SLC4A4: variants seen among roughly 807,000 people sequenced by gnomAD.
The protein encoded by SLC4A4 is electrogenic sodium bicarbonate cotransporter 1.
A neutral mutation model predicts 111.5 loss-of-function variants in SLC4A4; 27 were observed. The ratio of observed to expected loss-of-function variants is 0.24; its 90% CI spans 0.18 to 0.33. SLC4A4 has a LOEUF of 0.33. Among genes scored for constraint, SLC4A4 ranks in the 10% least tolerant of loss-of-function variants. The pLI, the probability that SLC4A4 is intolerant of heterozygous loss-of-function variation, is 1.00. For synonymous variants in SLC4A4, 443 were observed against 463.4 expected (o/e 0.96, Z 0.57); for missense variants, 909 against 1,315.5 (o/e 0.69, Z 4.78).
intron 16 of SLC4A4, among the ~76,000 whole-genome samples, chr4:71,531,797 ACACAC>A (rs1733944796): frequency 1.3e-5 from 2 of 148,308 alleles, no homozygotes; most frequent in African/African-American, 5.0e-5. Context: ...ACACACACAC[ACACAC>A]ACAGAAAGAG....
At chr4:71,555,087 T>C in intron 20 of SLC4A4, 53 bp from the exon 21 acceptor site, 1 of 1,231,400 alleles carries the variant, frequency 8.1e-7, no homozygotes, top group Non-Finnish European at 1.2e-6. Flanking sequence ...TCCTCTTCAT[T>C]CCTCTTTTTT....
chr4:71,198,498 T>G (rs988838385), intron 1 of SLC4A4, among the ~76,000 whole-genome samples: 6 of 152,222 alleles, frequency 3.9e-5, no homozygotes, highest in Non-Finnish European at 5.9e-5. Context: ...AGAAACACGC[T>G]GCATATCATG....
chr4:71,140,289 T>C (rs1307332251), intron 2 of SLC4A4, among the ~76,000 whole-genome samples: 6 of 152,048 alleles, frequency 3.9e-5, no homozygotes, highest in Non-Finnish European at 5.9e-5. Context: ...GGCATGGTGA[T>C]GCGCACCTGA....
At chr4:71,398,284 C>CAAAAAA (rs34473877) in intron 7 of SLC4A4, among the ~76,000 whole-genome samples, 1 of 78,430 alleles carries the variant, frequency 1.3e-5, no homozygotes. Flanking sequence ...GACTTTGTCT[C>CAAAAAA]AAAAAAAAAA....
chr4:71,469,082 A>G (rs1250980682), intron 13 of SLC4A4, among the ~76,000 whole-genome samples: 1 of 152,004 alleles, frequency 6.6e-6, no homozygotes, highest in Non-Finnish European at 1.5e-5. Flanking sequence ...AATAGCTCAC[A>G]ACTTTTCAAA....
At chr4:71,362,980 A>G (rs971212498) in intron 6 of SLC4A4, among the ~76,000 whole-genome samples, 1 of 152,088 alleles carries the variant, frequency 6.6e-6, no homozygotes, top group Non-Finnish European at 1.5e-5. Flanking sequence ...TTTTTAATTC[A>G]AATATGAGAA....
At chr4:71,107,531 G>T (rs1026451996) in intron 2 of SLC4A4, among the ~76,000 whole-genome samples, 3 of 151,926 alleles carry the variant, frequency 2.0e-5, no homozygotes, top group Non-Finnish European at 4.4e-5. Context: ...GCATTTTTTA[G>T]TAGAGACGGG....
chr4:71,442,137 C>G (rs1166583054), intron 8 of SLC4A4, among the ~76,000 whole-genome samples: 1 of 152,126 alleles, frequency 6.6e-6, no homozygotes, highest in African/African-American at 2.4e-5. Context: ...ATTTTTATTA[C>G]CATTTTTCTT....
intron 3 of SLC4A4, among the ~76,000 whole-genome samples, chr4:71,264,885 A>G (rs1722123838): frequency 6.6e-6 from 1 of 152,192 alleles, no homozygotes; most frequent in South Asian, 2.1e-4. Flanking sequence ...TGGTTAAGAA[A>G]GACTGAAGAT....
intron 7 of SLC4A4, among the ~76,000 whole-genome samples, chr4:71,402,052 G>C (rs1720412301): frequency 1.3e-5 from 2 of 152,134 alleles, no homozygotes; most frequent in Admixed American, 6.5e-5. Flanking sequence ...TTTTAGCACT[G>C]TCTGTTGCCT....
intron 7 of SLC4A4, among the ~76,000 whole-genome samples, chr4:71,399,078 A>G (rs1365285884): frequency 6.6e-6 from 1 of 152,200 alleles, no homozygotes; most frequent in Admixed American, 6.5e-5. Context: ...ATTAGGTATT[A>G]TAAGTAATCT....
Position 71,165,643 on chromosome 4 carries a change from T to C in SLC4A4, c.-1-70933T>C, listed in dbSNP as rs924099498. Among the ~76,000 whole-genome samples the C allele has an allele frequency of 2.6e-5, 4 of 152,250 alleles. No individual in the cohort carries two copies. In the East Asian group the frequency reaches 5.8e-4, roughly 22 times the overall value. ...AGGTGCAGCAAACCACCATGGCACATGTATAGCTATGTAACAAACCTGCAC... is the reference window on the plus strand; with the variant it reads ...AGGTGCAGCAAACCACCATGGCACACGTATAGCTATGTAACAAACCTGCAC... On this transcript the variant is annotated intron_variant, in intron 2 of 26. Coordinates refer to the SLC4A4 transcript ENST00000649996.
In SLC4A4 at chr4:71,466,450, T is replaced by C. The variant is rs1214156669; in HGVS notation, c.1504T>C (p.Leu502=). The change falls in exon 13 of 26, where the codon TTG becomes CTG. Residue 502 remains leucine, a synonymous_variant. Coordinates refer to ENST00000264485, the MANE Select transcript of SLC4A4 (RefSeq NM_001098484.3). The stretch of plus-strand genomic sequence containing the variant: ...TATATTTTCTTTATTTTAGGGCGTG[T>C]TGGAGAGTTTCCTGGGCACTGCTGT... The part of the protein sequence containing the change: ...GDATDNMQGV[L]ESFLGTAVSG... 1 of 1,613,526 alleles carries C rather than the reference T, an allele frequency of 6.2e-7. No individual in the cohort carries two copies. The highest frequency in any genetic ancestry group is 8.5e-7 in the Non-Finnish European group (1 of 1,179,660).
chr4:71,082,097 G>A (rs1018705062), intron 1 of SLC4A4, among the ~76,000 whole-genome samples: 1 of 152,054 alleles, frequency 6.6e-6, no homozygotes, highest in Middle Eastern at 3.4e-3. Flanking sequence ...CACTTAATTA[G>A]TTGTATATAT....
intron 5 of SLC4A4, among the ~76,000 whole-genome samples, chr4:71,354,503 A>G (rs1730111148): frequency 6.6e-6 from 1 of 152,188 alleles, no homozygotes; most frequent in South Asian, 2.1e-4. Context: ...AATACCTTTC[A>G]CATCATGGGG....
At chr4:71,449,242 T>G (rs1417685616) in intron 9 of SLC4A4, among the ~76,000 whole-genome samples, 2 of 152,204 alleles carry the variant, frequency 1.3e-5, no homozygotes, top group Admixed American at 6.5e-5. Context: ...TCATCTTATC[T>G]GTATTTATTC....
intron 2 of SLC4A4, among the ~76,000 whole-genome samples, chr4:71,174,172 T>C (rs888847836): frequency 6.6e-6 from 1 of 152,050 alleles, no homozygotes; most frequent in Non-Finnish European, 1.5e-5. Flanking sequence ...CCTTTTTTTT[T>C]CCTAGCCACA....
intron 2 of SLC4A4, among the ~76,000 whole-genome samples, chr4:71,116,584 T>G (rs2148954362): frequency 6.6e-6 from 1 of 152,254 alleles, no homozygotes; most frequent in South Asian, 2.1e-4. Context: ...CAATAGCTGG[T>G]TTTCATTGTA....
chr4:71,536,485 T>TATAAAA (rs760037325), intron 18 of SLC4A4, among the ~76,000 whole-genome samples: 989 of 83,970 alleles, frequency 0.012, 27 homozygotes, highest in Middle Eastern at 0.062. Flanking sequence ...TATATATATA[T>TATAAAA]ATGTATATAT....
Sources: gnomAD v4.1 joint callset for allele counts (sites outside exome capture counted in the v4.1 genomes callset) on GRCh38, gnomAD v4.1.1 for gene constraint, MANE v1.5 for transcripts, NCBI Gene and HGNC (gene_info 2026-07-23, HGNC 2026-07-21) for gene names.